Variants in SAXO4 observed in about 807,000 individuals in gnomAD.
SAXO4 encodes protein phosphatase 1 regulatory subunit 32.
At chr11:61,486,915 C>T in the SAXO4 span, 1 of 1,589,662 alleles carries the variant, frequency 6.3e-7, no homozygotes. Context: ...CTGGCCACCT[C>T]AGCCTCCCTT....
the SAXO4 span, chr11:61,485,187 C>A: frequency 1.5e-6 from 1 of 656,722 alleles, no homozygotes; most frequent in Non-Finnish European, 2.6e-6. Context: ...CTGCGATGTC[C>A]CACCCCACAG....
chr11:61,486,200 C>T, the SAXO4 span: 2 of 832,234 alleles, frequency 2.4e-6, no homozygotes, highest in South Asian at 1.7e-5. Context: ...TCCCCAAACA[C>T]TTCCCTTTTC....
At chr11:61,485,744 A>G in the SAXO4 span, 1 of 1,351,734 alleles carries the variant, frequency 7.4e-7, no homozygotes, top group Non-Finnish European at 1.1e-6. Context: ...GAGCCTCTGG[A>G]GGACACATGG....
the SAXO4 span, among the ~76,000 whole-genome samples, chr11:61,483,829 G>A: frequency 2.0e-4 from 30 of 152,092 alleles, no homozygotes; most frequent in East Asian, 1.7e-3. Flanking sequence ...ATGGTGGCAC[G>A]CACCTATAAT....
At chr11:61,490,451 C>A in the SAXO4 span, 1 of 1,517,336 alleles carries the variant, frequency 6.6e-7, no homozygotes. Context: ...AGACAAGGTC[C>A]ATGCCCTGCC....
chr11:61,488,480 A>G, the SAXO4 span, among the ~76,000 whole-genome samples: 1 of 151,446 alleles, frequency 6.6e-6, no homozygotes, highest in Non-Finnish European at 1.5e-5. Context: ...ACATTTTTGT[A>G]TTTTTAGTAG....
At chr11:61,490,200 G>C in the SAXO4 span, among the ~76,000 whole-genome samples, 1 of 152,180 alleles carries the variant, frequency 6.6e-6, no homozygotes, top group Non-Finnish European at 1.5e-5. Flanking sequence ...ACTGGATGGG[G>C]AGGATCTGAG....
At chr11:61,489,364 A>AC in the SAXO4 span, 1 of 399,704 alleles carries the variant, frequency 2.5e-6, no homozygotes, top group South Asian at 4.2e-5. Flanking sequence ...ATCTGTCTGC[A>AC]CCCCCTCTTC....
the SAXO4 span, chr11:61,490,622 TTG>T: frequency 6.4e-7 from 1 of 1,553,044 alleles, no homozygotes; most frequent in Non-Finnish European, 8.9e-7. Context: ...GCTGCTCTGG[TTG>T]TGTGGGCAAC....
chr11:61,484,578 C>A, the SAXO4 span: 2 of 1,382,698 alleles, frequency 1.4e-6, no homozygotes, highest in Admixed American at 2.5e-5. Context: ...TGTAAAAGGA[C>A]CCCCTCTGGC....
At chr11:61,490,197 G>T in the SAXO4 span, among the ~76,000 whole-genome samples, 1 of 152,192 alleles carries the variant, frequency 6.6e-6, no homozygotes, top group Non-Finnish European at 1.5e-5. Context: ...TGGACTGGAT[G>T]GGGAGGATCT....
chr11:61,488,199 C>G, the SAXO4 span, among the ~76,000 whole-genome samples: 3 of 151,426 alleles, frequency 2.0e-5, no homozygotes, highest in Admixed American at 1.3e-4. Context: ...GTTGGCCCGG[C>G]TGGTCTTGAA....
At chr11:61,486,937 G>C in the SAXO4 span, 1 of 1,612,640 alleles carries the variant, frequency 6.2e-7, no homozygotes, top group Non-Finnish European at 8.5e-7. Flanking sequence ...TGGTGGTTCT[G>C]TGCCCTGCAG....
At chr11:61,490,210 G>A in the SAXO4 span, among the ~76,000 whole-genome samples, 2 of 152,318 alleles carry the variant, frequency 1.3e-5, no homozygotes, top group South Asian at 4.2e-4. Flanking sequence ...GAGGATCTGA[G>A]CAAGGGGCTC....
chr11:61,486,579 G>A, the SAXO4 span: 1 of 1,614,190 alleles, frequency 6.2e-7, no homozygotes, highest in South Asian at 1.1e-5. Flanking sequence ...ACAGCCTTCA[G>A]CCGAGGGAAT....
chr11:61,489,938 C>T, the SAXO4 span: 1,430 of 1,610,076 alleles, frequency 8.9e-4, 18 homozygotes, highest in African/African-American at 0.017. Context: ...TGCATCCCCA[C>T]GTGGGAAGGT....
chr11:61,490,406 A>G, the SAXO4 span: 11 of 1,142,788 alleles, frequency 9.6e-6, no homozygotes, highest in Non-Finnish European at 1.5e-5. Context: ...AACCCTGGCT[A>G]TGCTCTCTCA....
chr11:61,484,705 C>T, the SAXO4 span: 17 of 1,613,568 alleles, frequency 1.1e-5, no homozygotes, highest in South Asian at 8.8e-5. Context: ...AGGTCCATTT[C>T]GACACCCAGG....
the SAXO4 span, chr11:61,489,484 C>A: frequency 3.7e-5 from 21 of 571,046 alleles, no homozygotes; most frequent in Non-Finnish European, 5.2e-5. Flanking sequence ...AAGTTAAGTG[C>A]CTAGAGAAGT....
Sources: allele counts gnomAD v4.1 joint callset (sites outside exome capture counted in the v4.1 genomes callset), GRCh38; gene constraint gnomAD v4.1.1; transcripts MANE v1.5; gene names NCBI Gene and HGNC (gene_info 2026-07-23, HGNC 2026-07-21).